Variants in DIP2B observed in about 807,000 individuals in gnomAD.
DIP2B encodes DIP2 acetate--CoA ligase B (putative).
Under a neutral mutation model 198.0 loss-of-function variants are expected in DIP2B, and 76 were observed. The observed-to-expected ratio is 0.38, with a 90% CI of 0.32 to 0.46. The LOEUF is 0.46. Among genes scored for constraint, DIP2B ranks in the 20% least tolerant of loss-of-function variants. The pLI is 0.99. For missense variants in DIP2B, 1,559 were observed against 1,978.4 expected, an observed-to-expected ratio of 0.79 and a Z score of 4.02; for synonymous variants, 701 against 739.1, an observed-to-expected ratio of 0.95 and a Z score of 0.84.
chr12:50,732,281 G>A, intron 31 of DIP2B, 85 bp from the exon 32 acceptor site: 2 of 1,486,356 alleles, frequency 1.3e-6, no homozygotes, highest in Admixed American at 3.9e-5. Context: ...GGCTTTTCCT[G>A]ACCAAGGAGC....
chr12:50,593,993 T>G (rs1040206135), intron 1 of DIP2B, among the ~76,000 whole-genome samples: 3 of 145,462 alleles, frequency 2.1e-5, no homozygotes, highest in African/African-American at 7.7e-5. Flanking sequence ...CAGGCTGGAA[T>G]GCAATGGCGC....
intron 1 of DIP2B, among the ~76,000 whole-genome samples, chr12:50,521,323 T>G (rs1173814238): frequency 6.6e-6 from 1 of 151,694 alleles, no homozygotes; most frequent in Admixed American, 6.6e-5. Flanking sequence ...GTCAAGCTGG[T>G]CTTGAACTCT....
chr12:50,621,511 A>G (rs924997557), intron 1 of DIP2B, among the ~76,000 whole-genome samples: 1 of 152,198 alleles, frequency 6.6e-6, no homozygotes, highest in Non-Finnish European at 1.5e-5. Flanking sequence ...TTATTAATTC[A>G]TTCAGTCACT....
chr12:50,681,273 AT>A lies in DIP2B; in HGVS notation c.1206+521del, dbSNP rs563970883. ...TAGTGAGACCCCATCTCTACAAACAATTTTTTTTTTTAATTAGCTGGGTGTG... is the reference window on the plus strand; with the variant it reads ...TAGTGAGACCCCATCTCTACAAACAATTTTTTTTTTAATTAGCTGGGTGTG... On this transcript the variant is annotated intron_variant, in intron 9 of 37. Transcript: ENST00000301180. 1.6e-4 allele frequency among the ~76,000 whole-genome samples: 24 copies of A among 148,440 alleles called. 1 individual carries two copies. Among genetic ancestry groups the A allele is most frequent in the Admixed American group, 4.7e-4 (7 of 14,856 alleles).
intron 4 of DIP2B, among the ~76,000 whole-genome samples, chr12:50,663,648 G>A (rs1456478919): frequency 6.6e-6 from 1 of 151,890 alleles, no homozygotes; most frequent in Non-Finnish European, 1.5e-5. Flanking sequence ...TGAGGTGGGA[G>A]GATTGCTTGA....
intron 3 of DIP2B, among the ~76,000 whole-genome samples, chr12:50,659,729 G>A (rs2139510880): frequency 6.6e-6 from 1 of 152,018 alleles, no homozygotes; most frequent in Non-Finnish European, 1.5e-5. Context: ...AGAACTGAGG[G>A]GTCTCAACCA....
rs552285009 is a variant in DIP2B at position 50,659,936 on chromosome 12, TTGTC to T, written c.302-255_302-252del. Reference sequence around the variant, plus strand: ...ACCTCCCCACATCTCTGTCAACTCTTTGTCTGGTGTGTTAAGGAGTCACACATCA... The same window carrying T: ...ACCTCCCCACATCTCTGTCAACTCTTTGGTGTGTTAAGGAGTCACACATCA... On this transcript the variant is annotated intron_variant, in intron 3 of 37. Coordinates refer to ENST00000301180, the MANE Select transcript of DIP2B (RefSeq NM_173602.3). Among the ~76,000 whole-genome samples the T allele has an allele frequency of 2.5e-4, 38 of 152,144 alleles. No homozygotes were observed. In the South Asian group the frequency reaches 4.6e-3, roughly 18 times the overall value.
Position 50,725,909 on chromosome 12 carries a change from G to A in DIP2B, c.3400+1023G>A, listed in dbSNP as rs184902614. Among the ~76,000 whole-genome samples, 170 of 150,538 alleles carry A rather than the reference G, an allele frequency of 1.1e-3. 1 individual carries two copies. The highest frequency in any genetic ancestry group is 2.1e-3 in the Admixed American group (32 of 15,110). Reference sequence around the variant, plus strand: ...AATGCAGGAATGACATGTATTTGTGGTTATTGTGTACCAGATGCTGAACTG... The same window carrying A: ...AATGCAGGAATGACATGTATTTGTGATTATTGTGTACCAGATGCTGAACTG... On this transcript the variant is annotated intron_variant, in intron 28 of 37. Coordinates refer to ENST00000301180, the MANE Select transcript of DIP2B (RefSeq NM_173602.3).
chr12:50,722,224 T>A (rs1366325795), intron 26 of DIP2B, among the ~76,000 whole-genome samples: 2 of 150,754 alleles, frequency 1.3e-5, no homozygotes, highest in East Asian at 2.0e-4. Context: ...CTTCATATTG[T>A]TCTGTGATTT....
intron 2 of DIP2B, among the ~76,000 whole-genome samples, chr12:50,636,109 G>C (rs992928442): frequency 1.3e-5 from 2 of 152,150 alleles, no homozygotes; most frequent in Non-Finnish European, 2.9e-5. Flanking sequence ...CTGTAAGAGA[G>C]CTCTAAACAA....
At chr12:50,561,023 A>C (rs967772757) in intron 1 of DIP2B, among the ~76,000 whole-genome samples, 1 of 152,202 alleles carries the variant, frequency 6.6e-6, no homozygotes. Flanking sequence ...GGAAATAGCA[A>C]CCTATATAAG....
intron 1 of DIP2B, among the ~76,000 whole-genome samples, chr12:50,529,858 CA>C (rs535128622): frequency 2.0e-5 from 3 of 146,792 alleles, no homozygotes; most frequent in African/African-American, 7.5e-5. Context: ...GCCTCTGTCT[CA>C]AAAAAAGAAA....
At chr12:50,603,980 A>G (rs1428341934) in intron 1 of DIP2B, among the ~76,000 whole-genome samples, 1 of 152,080 alleles carries the variant, frequency 6.6e-6, no homozygotes, top group East Asian at 2.0e-4. Flanking sequence ...TTAGAAGAAC[A>G]CTTTGGGGAA....
intron 22 of DIP2B, among the ~76,000 whole-genome samples, chr12:50,713,502 T>G (rs1290494673): frequency 6.6e-6 from 1 of 152,230 alleles, no homozygotes; most frequent in Non-Finnish European, 1.5e-5. Context: ...CACAGCTGAC[T>G]TTAAGCAAAC....
chr12:50,506,206 G>A (rs1957967256), intron 1 of DIP2B, among the ~76,000 whole-genome samples: 1 of 152,120 alleles, frequency 6.6e-6, no homozygotes, highest in African/African-American at 2.4e-5. Flanking sequence ...GACAAAAGCA[G>A]CATTTTCTCC....
intron 2 of DIP2B, among the ~76,000 whole-genome samples, chr12:50,630,263 A>G (rs1451996104): frequency 6.6e-6 from 1 of 151,900 alleles, no homozygotes; most frequent in Non-Finnish European, 1.5e-5. Flanking sequence ...CAATTTTTCT[A>G]GGAAATTGTT....
intron 1 of DIP2B, among the ~76,000 whole-genome samples, chr12:50,582,064 T>G (rs1958728904): frequency 6.6e-6 from 1 of 151,764 alleles, no homozygotes; most frequent in Non-Finnish European, 1.5e-5. Context: ...TGGAGCATGC[T>G]TGATCAAAGA....
chr12:50,693,935 G>A (rs957426751), intron 14 of DIP2B, among the ~76,000 whole-genome samples: 7 of 152,294 alleles, frequency 4.6e-5, no homozygotes, highest in African/African-American at 1.4e-4. Context: ...ATGAGGCTGG[G>A]TCTGTTTGGG....
intron 1 of DIP2B, among the ~76,000 whole-genome samples, chr12:50,600,556 C>G (rs1378258268): frequency 1.3e-5 from 2 of 152,080 alleles, no homozygotes; most frequent in Non-Finnish European, 2.9e-5. Flanking sequence ...TCATCTTTCC[C>G]CCTGTTGGAC....
Sources: allele counts gnomAD v4.1 joint callset (sites outside exome capture counted in the v4.1 genomes callset), GRCh38; gene constraint gnomAD v4.1.1; transcripts MANE v1.5; gene names NCBI Gene and HGNC (gene_info 2026-07-23, HGNC 2026-07-21).